The following PTPRG variants were observed in gnomAD, a reference collection of about 807,000 sequenced individuals.
The protein encoded by PTPRG is receptor-type tyrosine-protein phosphatase gamma.
Under a neutral mutation model 165.3 loss-of-function variants are expected in PTPRG, and 102 were observed. The ratio of observed to expected loss-of-function variants is 0.62; its 90% CI spans 0.53 to 0.73. The LOEUF (loss-of-function observed/expected upper bound fraction) is 0.73, where lower values mean the gene tolerates loss of function less well. PTPRG is among the 30% of genes least tolerant of loss of function. The pLI, the probability that PTPRG is intolerant of heterozygous loss-of-function variation, is 0.00. For synonymous variants in PTPRG, 675 were observed against 669.5 expected (o/e 1.01, Z -0.13); for missense variants, 1,866 against 1,861.4 (o/e 1.00, Z -0.05).
intron 5 of PTPRG, among the ~76,000 whole-genome samples, chr3:62,086,516 C>T (rs899076103): frequency 9.9e-5 from 15 of 152,260 alleles, no homozygotes; most frequent in African/African-American, 2.6e-4. Context: ...AAGATAATGA[C>T]GGTAAACTAA....
chr3:61,751,925 G>T (rs1345913564), intron 2 of PTPRG, among the ~76,000 whole-genome samples: 1 of 152,014 alleles, frequency 6.6e-6, no homozygotes, highest in Non-Finnish European at 1.5e-5. Flanking sequence ...CCCGGGAGGC[G>T]GAGCTTGCAG....
intron 2 of PTPRG, among the ~76,000 whole-genome samples, chr3:61,892,521 G>A (rs1008478332): frequency 6.6e-6 from 1 of 152,156 alleles, no homozygotes; most frequent in East Asian, 1.9e-4. Flanking sequence ...TTTCAATGCT[G>A]AAATAGGTAC....
intron 1 of PTPRG, among the ~76,000 whole-genome samples, chr3:61,581,661 G>T (rs1437301367): frequency 1.3e-5 from 2 of 150,170 alleles, no homozygotes; most frequent in Non-Finnish European, 3.0e-5. Flanking sequence ...CCAGGCTGGA[G>T]CGCAGTGGCA....
chr3:62,238,800 C>CT, intron 14 of PTPRG, among the ~76,000 whole-genome samples: 1 of 152,286 alleles, frequency 6.6e-6, no homozygotes, highest in Non-Finnish European at 1.5e-5. Flanking sequence ...GAGAGACAGA[C>CT]TGACTGACTG....
chr3:61,882,856 C>A lies in PTPRG; in HGVS notation c.191-106769C>A, dbSNP rs1019473561. On this transcript the variant is annotated intron_variant, in intron 2 of 29. Coordinates refer to ENST00000474889, the MANE Select transcript of PTPRG (RefSeq NM_002841.4). Reference sequence around the variant, plus strand: ...GGGTGCCCCATTCTCCTCTGTTCTTCTTCTAAAATCTCCTTCAGTATTCAG... The same window carrying A: ...GGGTGCCCCATTCTCCTCTGTTCTTATTCTAAAATCTCCTTCAGTATTCAG... Among the ~76,000 whole-genome samples, 5 of 152,202 alleles carry A rather than the reference C, an allele frequency of 3.3e-5. No homozygotes were observed. In the South Asian group the frequency reaches 1.0e-3, roughly 32 times the overall value.
rs148635939 is a variant in PTPRG, at chr3:62,014,656, C to G, written c.519+11159C>G. 3.7e-3 allele frequency among the ~76,000 whole-genome samples: 563 copies of G among 152,270 alleles called. 3 individuals are homozygous for G. Among genetic ancestry groups the G allele is most frequent in the African/African-American group, 0.013 (530 of 41,554 alleles). ...TAGGGAAGACTTGGAGTGAGAGAAA[C>G]CTCACGCACTCCCCTTGCTATTTCT... On this transcript the variant is annotated intron_variant, in intron 4 of 29. Coordinates refer to ENST00000474889, the MANE Select transcript of PTPRG (RefSeq NM_002841.4).
intron 25 of PTPRG, 80 bp from the exon 26 acceptor site, chr3:62,277,471 T>C: frequency 6.8e-7 from 1 of 1,476,458 alleles, no homozygotes; most frequent in Non-Finnish European, 9.3e-7. Context: ...TGCTATCTTA[T>C]TTCATGAATA....
chr3:61,846,475 C>T (rs188031530), intron 2 of PTPRG, among the ~76,000 whole-genome samples: 5 of 152,162 alleles, frequency 3.3e-5, no homozygotes, highest in African/African-American at 1.2e-4. Context: ...CTCTGAGGCT[C>T]ATTGACCTTG....
At chr3:61,961,930 C>G (rs115059284) in intron 2 of PTPRG, among the ~76,000 whole-genome samples, 1 of 152,172 alleles carries the variant, frequency 6.6e-6, no homozygotes, top group East Asian at 1.9e-4. Flanking sequence ...AGACACAGCT[C>G]GGGCTCTGCA....
At chr3:62,239,450 CTCCCAGGT>C (rs779801450) in intron 14 of PTPRG, among the ~76,000 whole-genome samples, 11 of 148,160 alleles carry the variant, frequency 7.4e-5, no homozygotes, top group African/African-American at 2.0e-4. Context: ...CAACCTCTGC[CTCCCAGGT>C]TCCCAGGTTC....
chr3:62,210,807 G>C lies in PTPRG; in HGVS notation c.2155+6857G>C, dbSNP rs1168794445. ...ATTTTCTTTATAACATTTTTTTCTA[G>C]CTTACTTTATTGTAAGAATATAGCA... On this transcript the variant is annotated intron_variant, in intron 12 of 29. Transcript: ENST00000474889. The surrounding 1 kb of genome is among the most constrained non-coding windows in gnomAD (Gnocchi z 4.1). Among the ~76,000 whole-genome samples, 1 of 151,902 alleles carries C rather than the reference G, an allele frequency of 6.6e-6. No individual in the cohort carries two copies. Among genetic ancestry groups the C allele is most frequent in the East Asian group, 1.9e-4 (1 of 5,188 alleles).
intron 5 of PTPRG, among the ~76,000 whole-genome samples, chr3:62,082,945 A>C (rs1701628963): frequency 6.6e-6 from 1 of 152,190 alleles, no homozygotes. Flanking sequence ...CATGCAGATC[A>C]CCTTTGGGTT....
At chr3:62,144,610 A>C (rs1204983172) in intron 6 of PTPRG, among the ~76,000 whole-genome samples, 1 of 152,188 alleles carries the variant, frequency 6.6e-6, no homozygotes, top group African/African-American at 2.4e-5. Context: ...ATCTTGGCTA[A>C]TTGGCTCACA....
At chr3:62,212,045 G>T (rs1028159203) in intron 12 of PTPRG, among the ~76,000 whole-genome samples, 1 of 151,798 alleles carries the variant, frequency 6.6e-6, no homozygotes, top group African/African-American at 2.4e-5. Flanking sequence ...CGGAGAGAAA[G>T]AAAGGCTGTA....
intron 2 of PTPRG, among the ~76,000 whole-genome samples, chr3:61,777,416 CTTTCA>C (rs1225227298): frequency 5.3e-5 from 8 of 152,210 alleles, no homozygotes; most frequent in Non-Finnish European, 8.8e-5. Flanking sequence ...ATCTTTTCCT[CTTTCA>C]TTTCAGCAAT....
intron 26 of PTPRG, 71 bp from the exon 27 acceptor site, chr3:62,281,492 C>A (rs939520561): frequency 2.3e-6 from 3 of 1,325,308 alleles, no homozygotes; most frequent in Non-Finnish European, 3.0e-6. Flanking sequence ...ATGACAAAAT[C>A]CGTATGCAAG....
rs1202287768 is a variant in PTPRG at position 62,254,974 on chromosome 3, CT to C, written c.2468-146del. The C allele has an allele frequency of 3.7e-4, 217 of 579,980 alleles. 1 individual carries two copies. The East Asian group carries it at 6.8e-3, about 18-fold the overall frequency. The allele number at this position is 579,980 out of a possible 1,614,324, so 35.9% of individuals were successfully genotyped here. A position where few individuals can be genotyped will look rare whatever the true frequency, so the allele number is the denominator to read the frequency against. On this transcript the variant is annotated intron_variant, in intron 15 of 29. Transcript: ENST00000474889. The surrounding 1 kb of genome is among the most constrained non-coding windows in gnomAD (Gnocchi z 4.6). The stretch of plus-strand genomic sequence containing the variant: ...TCCTAATGTAAAATAAATTCTGAGA[CT>C]TTTCTTCAGGACATCTATTTTGTGT...
chr3:61,563,188 G>C (rs1426447160), intron 1 of PTPRG, among the ~76,000 whole-genome samples: 1 of 151,586 alleles, frequency 6.6e-6, no homozygotes, highest in East Asian at 2.0e-4. Context: ...GTTGCTGTTC[G>C]CGCCGGGGCT....
intron 7 of PTPRG, among the ~76,000 whole-genome samples, chr3:62,160,676 G>T (rs1374091440): frequency 6.6e-6 from 1 of 152,196 alleles, no homozygotes; most frequent in East Asian, 1.9e-4. Context: ...CTCAGATGAT[G>T]GTTCTTTGCC....
Sources: gnomAD v4.1 joint callset for allele counts (sites outside exome capture counted in the v4.1 genomes callset) on GRCh38, gnomAD v4.1.1 for gene constraint, Gnocchi (gnomAD v3.1) non-coding constraint, MANE v1.5 for transcripts, NCBI Gene and HGNC (gene_info 2026-07-23, HGNC 2026-07-21) for gene names.